PEBP4: variants seen among roughly 807,000 people sequenced by gnomAD.
PEBP4 encodes the protein phosphatidylethanolamine binding protein 4.
PEBP4 carries 22 observed loss-of-function variants against 23.9 expected under a neutral mutation model. The observed-to-expected ratio is 0.92, with a 90% CI of 0.66 to 1.31. The LOEUF (loss-of-function observed/expected upper bound fraction) is 1.31. PEBP4 is among the 40% of genes most tolerant of loss of function. The pLI is 0.00. For missense variants in PEBP4, 324 were observed against 281.7 expected, an observed-to-expected ratio of 1.15 and a Z score of -1.07; for synonymous variants, 112 against 99.3, an observed-to-expected ratio of 1.13 and a Z score of -0.76.
intron 6 of PEBP4, among the ~76,000 whole-genome samples, chr8:22,715,077 C>T (rs1471231873): frequency 2.0e-5 from 3 of 152,212 alleles, no homozygotes; most frequent in Non-Finnish European, 2.9e-5. Context: ...AAGGAAGCTT[C>T]GTAGTGGCAG....
At chr8:22,845,369 CAAA>C (rs34601804) in intron 3 of PEBP4, among the ~76,000 whole-genome samples, 4 of 133,000 alleles carry the variant, frequency 3.0e-5, no homozygotes, top group Non-Finnish European at 3.2e-5. Context: ...CGCATCTCTA[CAAA>C]AAAAAAAAAA....
intron 3 of PEBP4, among the ~76,000 whole-genome samples, chr8:22,896,963 A>G (rs1458150134): frequency 1.3e-5 from 2 of 150,910 alleles, no homozygotes; most frequent in African/African-American, 4.9e-5. Flanking sequence ...TCTAAAATGG[A>G]TAATATATCT....
chr8:22,855,016 A>G lies in PEBP4; in HGVS notation c.259-37281T>C, dbSNP rs867928940. Among the ~76,000 whole-genome samples the G allele has an allele frequency of 4.9e-4, 21 of 42,896 alleles. 1 individual carries two copies. Among genetic ancestry groups the G allele is most frequent in the Non-Finnish European group, 1.9e-4 (3 of 16,154 alleles). The allele number at this position is 42,896 out of a possible 152,430, so 28.1% of individuals were successfully genotyped here. ...AGTATGCACGCACACACACACACAC[A>G]CACACACACACACACACACACACAC... On this transcript the variant is annotated intron_variant, in intron 3 of 6. Coordinates refer to ENST00000256404, the MANE Select transcript of PEBP4 (RefSeq NM_144962.3).
chr8:22,920,398 G>A, intron 2 of PEBP4, 88 bp from the exon 3 acceptor site: 1 of 1,411,500 alleles, frequency 7.1e-7, no homozygotes, highest in Non-Finnish European at 9.6e-7. Flanking sequence ...TATTGGGAAT[G>A]TAAAGTGAAA....
At chr8:22,906,260 G>A (rs1426785487) in intron 3 of PEBP4, among the ~76,000 whole-genome samples, 1 of 152,122 alleles carries the variant, frequency 6.6e-6, no homozygotes, top group Admixed American at 6.5e-5. Flanking sequence ...TGCCTCCTCT[G>A]TCCAGCCTTG....
At chr8:22,826,196 A>G (rs537185316) in intron 3 of PEBP4, among the ~76,000 whole-genome samples, 2 of 152,384 alleles carry the variant, frequency 1.3e-5, no homozygotes, top group Non-Finnish European at 2.9e-5. Context: ...TTCTTATCAC[A>G]ATAAGATAAA....
intron 4 of PEBP4, among the ~76,000 whole-genome samples, chr8:22,788,186 T>C (rs1011397894): frequency 6.6e-6 from 1 of 151,688 alleles, no homozygotes; most frequent in East Asian, 1.9e-4. Context: ...AAAGGGCAGG[T>C]GGCAGTGGGA....
In PEBP4 at chr8:22,817,655, C is replaced by A. The variant is rs766098198; in HGVS notation, c.339G>T (p.Trp113Cys). ...TGCTTACCTTGATATCTGTTACCAG[C>A]CAATGTCTCCAGAATCTCTGTCTGG... ...AEPRQRFWRH[W>C]LVTDIKGADL... Residue 113 changes from tryptophan (W) to cysteine (C), a missense_variant, in exon 4 of 7, where the codon TGG (tryptophan) becomes TGT (cysteine). By Grantham distance (215) the Trp-to-Cys change is radical. Coordinates refer to ENST00000256404, the MANE Select transcript of PEBP4 (RefSeq NM_144962.3). 5.0e-6 allele frequency: 8 copies of A among 1,614,154 alleles called. No homozygotes were observed. The South Asian group carries it at 8.8e-5, about 18-fold the overall frequency.
At chr8:22,748,641 C>T (rs999497765) in intron 4 of PEBP4, among the ~76,000 whole-genome samples, 25 of 151,914 alleles carry the variant, frequency 1.6e-4, no homozygotes, top group Non-Finnish European at 3.2e-4. Context: ...TCAGAGTTCA[C>T]CCGGCTGTCA....
intron 3 of PEBP4, among the ~76,000 whole-genome samples, chr8:22,906,602 T>C (rs1384757474): frequency 1.3e-5 from 2 of 152,224 alleles, no homozygotes; most frequent in Non-Finnish European, 1.5e-5. Flanking sequence ...GCTGCACTAG[T>C]CACATGGGTG....
chr8:22,769,901 A>C (rs570724928), intron 4 of PEBP4, among the ~76,000 whole-genome samples: 17 of 152,224 alleles, frequency 1.1e-4, no homozygotes, highest in Admixed American at 3.3e-4. Context: ...TGAGACACAC[A>C]AGTCAGTCCC....
chr8:22,754,055 GGGAGA>G (rs1272461270), intron 4 of PEBP4, among the ~76,000 whole-genome samples: 12 of 152,196 alleles, frequency 7.9e-5, no homozygotes, highest in Admixed American at 2.6e-4. Context: ...TTCAGATGGA[GGGAGA>G]GGAGGGTTGA....
chr8:22,731,202 T>G (rs1490652398), intron 4 of PEBP4, among the ~76,000 whole-genome samples: 2 of 152,186 alleles, frequency 1.3e-5, no homozygotes. Flanking sequence ...TTACACTGAG[T>G]GTGCCTGCCT....
chr8:22,939,117 T>C (rs750517855), intron 1 of PEBP4, among the ~76,000 whole-genome samples: 2 of 152,214 alleles, frequency 1.3e-5, no homozygotes, highest in African/African-American at 2.4e-5. Context: ...TGTTTTTTTC[T>C]CAGGGAGTGG....
intron 4 of PEBP4, among the ~76,000 whole-genome samples, chr8:22,743,968 C>G (rs905411465): frequency 2.0e-5 from 3 of 152,188 alleles, no homozygotes; most frequent in Admixed American, 1.3e-4. Flanking sequence ...TTTGGCTTCT[C>G]GGAGCTTGGT....
rs1245748113 is a variant in PEBP4 at position 22,920,285 on chromosome 8, A to C, written c.157T>G (p.Leu53Val). The C allele has an allele frequency of 6.2e-7, 1 of 1,613,268 alleles. No homozygotes were observed. The highest frequency in any genetic ancestry group is 8.5e-7 in the Non-Finnish European group (1 of 1,179,430). The stretch of plus-strand genomic sequence containing the variant: ...ACAACCTTGCAGCCAATGTTCCCCA[A>C]CTCTGGGTAGAAAACTTCAAGGCCC... ...CQGLEVFYPE[L>V]GNIGCKVVPD... is the part of the protein sequence containing the mutation. Residue 53 changes from leucine to valine, a missense_variant, in exon 3 of 7, where the codon TTG (leucine) becomes GTG (valine). Physicochemically the swap from Leu to Val is conservative, Grantham distance 32. Transcript: ENST00000256404.
intron 3 of PEBP4, among the ~76,000 whole-genome samples, chr8:22,887,417 G>A (rs1403376683): frequency 6.6e-6 from 1 of 151,686 alleles, no homozygotes; most frequent in African/African-American, 2.4e-5. Context: ...CCAAAGTGCT[G>A]GGATTACAGG....
At chr8:22,899,051 C>G (rs1163758617) in intron 3 of PEBP4, among the ~76,000 whole-genome samples, 1 of 152,198 alleles carries the variant, frequency 6.6e-6, no homozygotes, top group African/African-American at 2.4e-5. Flanking sequence ...TCATTCACAG[C>G]CTCTGAAGCT....
At chr8:22,728,135 A>G (rs1804654606) in intron 4 of PEBP4, among the ~76,000 whole-genome samples, 1 of 152,084 alleles carries the variant, frequency 6.6e-6, no homozygotes, top group Non-Finnish European at 1.5e-5. Context: ...CCTTTTCACC[A>G]AGCCTAGAAG....
Sources: gnomAD v4.1 joint callset for allele counts (sites outside exome capture counted in the v4.1 genomes callset) on GRCh38, gnomAD v4.1.1 for gene constraint, MANE v1.5 for transcripts, NCBI Gene and HGNC (gene_info 2026-07-23, HGNC 2026-07-21) for gene names.